The following KCTD7 variants were observed in gnomAD, a reference collection of about 807,000 sequenced individuals.
The protein encoded by KCTD7 is BTB/POZ domain-containing protein KCTD7.
In KCTD7, 15 loss-of-function variants were observed where a neutral mutation model predicts 27.0. The ratio of observed to expected loss-of-function variants is 0.56; its 90% CI spans 0.37 to 0.86. KCTD7 has a LOEUF of 0.86. Among genes scored for constraint, KCTD7 ranks in the 40% least tolerant of loss-of-function variants. The pLI, the probability that KCTD7 is intolerant of heterozygous loss-of-function variation, is 0.00. For missense variants in KCTD7, 299 were observed against 398.9 expected (o/e 0.75, Z 2.13); for synonymous variants, 159 against 162.7 (o/e 0.98, Z 0.17).
intron 2 of KCTD7, 127 bp downstream of exon 2, chr7:66,633,571 A>T: frequency 1.1e-6 from 1 of 939,636 alleles, no homozygotes; most frequent in Non-Finnish European, 1.7e-6. Flanking sequence ...AATTTAATAA[A>T]TGGGTTTATT....
At position 66,640,269 on chromosome 7, in the gene KCTD7, G is replaced by A. The variant is rs1394715476; in HGVS notation, c.*1037G>A. 9.3e-6 allele frequency: 14 copies of A among 1,503,884 alleles called. No homozygotes were observed. Among genetic ancestry groups the A allele is most frequent in the Non-Finnish European group, 1.2e-5 (14 of 1,131,024 alleles). 93.2% of individuals were successfully genotyped at this position (1,503,884 alleles called of 1,614,324 possible). A position where few individuals can be genotyped will look rare whatever the true frequency, so the allele number is the denominator to read the frequency against. On this transcript the variant is annotated 3_prime_UTR_variant, in exon 4 of 4. Transcript: ENST00000639828. ...GAGACACACAGCTATCCTAGGAGCC[G>A]TAGGAAGACAAAACTTCCCTTTTGT...
intron 1 of KCTD7, among the ~76,000 whole-genome samples, chr7:66,629,782 T>G (rs1187917488): frequency 6.6e-6 from 1 of 152,142 alleles, no homozygotes; most frequent in Non-Finnish European, 1.5e-5. Flanking sequence ...CCACACCTAG[T>G]CTCCAGCTAC....
Position 66,642,698 on chromosome 7 carries a change from G to A in KCTD7, c.*3466G>A. The A allele has an allele frequency of 1.0e-6, 1 of 985,416 alleles. No individual in the cohort carries two copies. The highest frequency in any genetic ancestry group is 1.2e-6 in the Non-Finnish European group (1 of 829,936). 61.0% of individuals were successfully genotyped at this position (985,416 alleles called of 1,614,324 possible). A position where few individuals can be genotyped will look rare whatever the true frequency, so the allele number is the denominator to read the frequency against. ...TGCGTGAAGGTGGTACCTGTCTCATGATCCTTAAAAGAGAGAGGCTTTTTT... is the reference window on the plus strand; with the variant it reads ...TGCGTGAAGGTGGTACCTGTCTCATAATCCTTAAAAGAGAGAGGCTTTTTT... On this transcript the variant is annotated 3_prime_UTR_variant, in exon 4 of 4. Coordinates refer to ENST00000639828, the MANE Select transcript of KCTD7 (RefSeq NM_153033.5).
intron 1 of KCTD7, among the ~76,000 whole-genome samples, chr7:66,630,309 T>C (rs1786416634): frequency 6.6e-6 from 1 of 152,104 alleles, no homozygotes; most frequent in African/African-American, 2.4e-5. Context: ...AGGGAAACGA[T>C]GCCAGGTGTG....
chr7:66,642,393 C>T lies in KCTD7; in HGVS notation c.*3161C>T. On this transcript the variant is annotated 3_prime_UTR_variant, in exon 4 of 4. Transcript: ENST00000639828. ...AGCTGTCTGAGCCTTGTGCCTAAGG[C>T]TTATCAGGTGATATAATCTTCCTGT... The T allele has an allele frequency of 1.0e-6, 1 of 985,368 alleles. No individual in the cohort carries two copies. Among genetic ancestry groups the T allele is most frequent in the Non-Finnish European group, 1.2e-6 (1 of 829,924 alleles). The allele number at this position is 985,368 out of a possible 1,614,324, so 61.0% of individuals were successfully genotyped here.
At chr7:66,634,134 A>ATATATG (rs997286181) in intron 2 of KCTD7, among the ~76,000 whole-genome samples, 2 of 145,666 alleles carry the variant, frequency 1.4e-5, no homozygotes, top group African/African-American at 5.1e-5. Context: ...ATATATATAT[A>ATATATG]TATGTATATA....
rs891555621 is a variant in KCTD7 at position 66,642,101 on chromosome 7, A to C, written c.*2869A>C. 4 of 985,348 alleles carry C rather than the reference A, an allele frequency of 4.1e-6. No homozygotes were observed. The Admixed American group carries it at 2.5e-4, about 61-fold the overall frequency. 61.0% of individuals were successfully genotyped at this position (985,348 alleles called of 1,614,324 possible). On this transcript the variant is annotated 3_prime_UTR_variant, in exon 4 of 4. Coordinates refer to ENST00000639828, the MANE Select transcript of KCTD7 (RefSeq NM_153033.5). Reference sequence around the variant, plus strand: ...TTTCAGGAGATGGGACCAATGGTGCAATGCTCGCCATAACAAAATTCCTTA... The same window carrying C: ...TTTCAGGAGATGGGACCAATGGTGCCATGCTCGCCATAACAAAATTCCTTA...
At position 66,633,286 on chromosome 7, in the gene KCTD7, T is replaced by G; in HGVS notation, c.156T>G (p.Val52=). The G allele has an allele frequency of 1.2e-6, 2 of 1,613,908 alleles. No individual in the cohort carries two copies. Among genetic ancestry groups the G allele is most frequent in the East Asian group, 2.2e-5 (1 of 44,870 alleles). ...TGATTTCTTTCCAGTTTCCTGAGGT[T>G]GTTCCCCTTAACATCGGAGGGGCTC... is the stretch of plus-strand genomic sequence containing the variant. ...LPLLPQEFPE[V]VPLNIGGAHF... is the part of the protein sequence containing the mutation. Residue 52 remains valine (V), a synonymous_variant, in exon 2 of 4, where the codon GTT becomes GTG. Coordinates refer to ENST00000639828, the MANE Select transcript of KCTD7 (RefSeq NM_153033.5).
intron 1 of KCTD7, among the ~76,000 whole-genome samples, chr7:66,629,959 C>A (rs1786410298): frequency 6.6e-6 from 1 of 152,156 alleles, no homozygotes; most frequent in Non-Finnish European, 1.5e-5. Flanking sequence ...CATGTCAACA[C>A]CTGAAATGAC....
rs1037252162 is a variant in KCTD7, at chr7:66,642,046, A to C, written c.*2814A>C. ...TCATCTTGCCTTGAGACGGGCCAGTAGTTATCAGTGAGTCAAAGCAAAGTG... is the reference window on the plus strand; with the variant it reads ...TCATCTTGCCTTGAGACGGGCCAGTCGTTATCAGTGAGTCAAAGCAAAGTG... On this transcript the variant is annotated 3_prime_UTR_variant, in exon 4 of 4. Coordinates refer to ENST00000639828, the MANE Select transcript of KCTD7 (RefSeq NM_153033.5). 1.7e-5 allele frequency: 17 copies of C among 985,338 alleles called. No homozygotes were observed. Among genetic ancestry groups the C allele is most frequent in the Admixed American group, 6.1e-5 (1 of 16,268 alleles). The allele number at this position is 985,338 out of a possible 1,614,324, so 61.0% of individuals were successfully genotyped here.
At chr7:66,634,522 G>A (rs1192461579) in intron 2 of KCTD7, among the ~76,000 whole-genome samples, 1 of 152,026 alleles carries the variant, frequency 6.6e-6, no homozygotes, top group East Asian at 1.9e-4. Context: ...ACAGGTGTGC[G>A]CCACTGCACC....
At chr7:66,633,128 G>C in intron 1 of KCTD7, 147 bp from the exon 2 acceptor site, 1 of 758,864 alleles carries the variant, frequency 1.3e-6, no homozygotes, top group Non-Finnish European at 2.3e-6. Context: ...AGAGGGAGGA[G>C]AGAGAAGAAA....
rs1473098945 is a variant in KCTD7, at chr7:66,639,923, C to CA, written c.*691_*692insA. On this transcript the variant is annotated 3_prime_UTR_variant, in exon 4 of 4. Coordinates refer to ENST00000639828, the MANE Select transcript of KCTD7 (RefSeq NM_153033.5). ...TGTTTACAGCCCTGTCTTAGGGCCG[C>CA]GGCTTCTCTTATCTTCCACCACCTT... The CA allele has an allele frequency of 3.2e-6, 4 of 1,245,646 alleles. No homozygotes were observed. In the African/African-American group the frequency reaches 4.6e-5, roughly 14 times the overall value. The allele number at this position is 1,245,646 out of a possible 1,614,324, so 77.2% of individuals were successfully genotyped here.
chr7:66,640,386 T>C lies in KCTD7; in HGVS notation c.*1154T>C, dbSNP rs548984079. The C allele has an allele frequency of 6.5e-5, 100 of 1,537,340 alleles. No individual in the cohort carries two copies. The African/African-American group carries it at 1.3e-3, about 21-fold the overall frequency. ...GTATATTTTGGTTTACTTACTCCTC[T>C]ATTTCAGAAATTGAAAAAGATCCCC... On this transcript the variant is annotated 3_prime_UTR_variant, in exon 4 of 4. Transcript: ENST00000639828.
In KCTD7 at chr7:66,640,036, T is replaced by C; in HGVS notation, c.*804T>C. Reference sequence around the variant, plus strand: ...GATTCCCCAAGTCAAGCAGGCAAGATGCCTAGATCTTCTGTTATCTTTGAC... The same window carrying C: ...GATTCCCCAAGTCAAGCAGGCAAGACGCCTAGATCTTCTGTTATCTTTGAC... On this transcript the variant is annotated 3_prime_UTR_variant, in exon 4 of 4. Transcript: ENST00000639828. 7.9e-7 allele frequency: 1 copy of C among 1,263,262 alleles called. No individual in the cohort carries two copies. The highest frequency in any genetic ancestry group is 9.9e-7 in the Non-Finnish European group (1 of 1,008,040). The allele number at this position is 1,263,262 out of a possible 1,614,324, so 78.3% of individuals were successfully genotyped here.
chr7:66,640,393 G>A lies in KCTD7; in HGVS notation c.*1161G>A. 5 of 1,537,182 alleles carry A rather than the reference G, an allele frequency of 3.3e-6. No homozygotes were observed. In the South Asian group the frequency reaches 5.9e-5, roughly 18 times the overall value. On this transcript the variant is annotated 3_prime_UTR_variant, in exon 4 of 4. Transcript: ENST00000639828. ...TTGGTTTACTTACTCCTCTATTTCA[G>A]AAATTGAAAAAGATCCCCAAGGATC... is the stretch of plus-strand genomic sequence containing the variant.
rs768374078 is a variant in KCTD7, at chr7:66,629,150, A to G, written c.86A>G (p.Glu29Gly). The change falls in exon 1 of 4, where the codon GAG (glutamate) becomes GGG (glycine). Residue 29 changes from glutamate (E) to glycine (G), a missense_variant. By Grantham distance (98) the Glu-to-Gly change is moderately conservative. Coordinates refer to ENST00000639828, the MANE Select transcript of KCTD7 (RefSeq NM_153033.5). ...SSSDAEDDFL[E>G]PATPTATQAG... The stretch of plus-strand genomic sequence containing the variant: ...TCTGACGCCGAAGACGACTTTCTGG[A>G]GCCGGCCACGCCGACGGCCACGCAG... 6.5e-6 allele frequency: 10 copies of G among 1,529,468 alleles called. No homozygotes were observed. In the South Asian group the frequency reaches 1.1e-4, roughly 17 times the overall value. 94.7% of individuals were successfully genotyped at this position (1,529,468 alleles called of 1,614,324 possible).
chr7:66,637,518 T>G (rs1285759923), intron 2 of KCTD7, among the ~76,000 whole-genome samples: 1 of 152,190 alleles, frequency 6.6e-6, no homozygotes. Flanking sequence ...TATACTTACA[T>G]AATGAATAAT....
In KCTD7 at chr7:66,641,233, T is replaced by C. The variant is rs905490654; in HGVS notation, c.*2001T>C. The C allele has an allele frequency of 1.2e-5, 12 of 985,284 alleles. No homozygotes were observed. The African/African-American group carries it at 1.9e-4, about 16-fold the overall frequency. The allele number at this position is 985,284 out of a possible 1,614,324, so 61.0% of individuals were successfully genotyped here. A position where few individuals can be genotyped will look rare whatever the true frequency, so the allele number is the denominator to read the frequency against. Reference sequence around the variant, plus strand: ...TTAGCCCCAAAACATGGCTCTTGTATTGTTCTAAGAGAAAAGGCTTTCATT... The same window carrying C: ...TTAGCCCCAAAACATGGCTCTTGTACTGTTCTAAGAGAAAAGGCTTTCATT... On this transcript the variant is annotated 3_prime_UTR_variant, in exon 4 of 4. Transcript: ENST00000639828.
Sources: allele counts gnomAD v4.1 joint callset (sites outside exome capture counted in the v4.1 genomes callset), GRCh38; gene constraint gnomAD v4.1.1; transcripts MANE v1.5; gene names NCBI Gene and HGNC (gene_info 2026-07-23, HGNC 2026-07-21).